The following MBNL2 variants were observed in gnomAD, a reference collection of about 807,000 sequenced individuals.
MBNL2 encodes muscleblind-like protein 2.
Under a neutral mutation model 41.9 loss-of-function variants are expected in MBNL2, and 17 were observed. That is an observed-to-expected ratio of 0.41 (90% CI 0.28 to 0.61). The LOEUF (loss-of-function observed/expected upper bound fraction) is 0.61, where lower values mean the gene tolerates loss of function less well. Ranked by LOEUF, MBNL2 falls within the 20% of genes least tolerant of loss-of-function variation. The pLI, the probability that MBNL2 is intolerant of heterozygous loss-of-function variation, is 0.35. For synonymous variants in MBNL2, 195 were observed against 182.9 expected (o/e 1.07, Z -0.53); for missense variants, 336 against 505.6 (o/e 0.66, Z 3.22).
At chr13:97,383,025 G>A (rs1338089016) in intron 8 of MBNL2, among the ~76,000 whole-genome samples, 1 of 152,142 alleles carries the variant, frequency 6.6e-6, no homozygotes, top group East Asian at 1.9e-4. Flanking sequence ...AGCGGAAAGG[G>A]CCAGGAAAGA....
At chr13:97,165,646 C>T in the MBNL2 span, among the ~76,000 whole-genome samples, 28 of 152,076 alleles carry the variant, frequency 1.8e-4, no homozygotes, top group African/African-American at 5.6e-4. Context: ...GTAGTGAATC[C>T]GCACTAACAG....
rs1232873120 is a variant in MBNL2, at chr13:97,392,475, T to C, written c.*1026T>C. 6.6e-6 allele frequency: 1 copy of C among 152,454 alleles called. No individual in the cohort carries two copies. The highest frequency in any genetic ancestry group is 1.5e-5 in the Non-Finnish European group (1 of 67,984). 9.4% of individuals were successfully genotyped at this position (152,454 alleles called of 1,614,324 possible). A position where few individuals can be genotyped will look rare whatever the true frequency, so the allele number is the denominator to read the frequency against. ...TAAAGGGTTGTAACTGACTACAGCA[T>C]GGAAAAAAATAGTTCTTTTAATTCT... On this transcript the variant is annotated 3_prime_UTR_variant, in exon 9 of 9. Coordinates refer to ENST00000679496, the MANE Select transcript of MBNL2 (RefSeq NM_001382683.1).
chr13:97,187,830 C>T, the MBNL2 span, among the ~76,000 whole-genome samples: 1 of 151,482 alleles, frequency 6.6e-6, no homozygotes, highest in Non-Finnish European at 1.5e-5. Context: ...TGGCGTGAAC[C>T]CCGGGACGGC....
At chr13:97,195,888 A>G in the MBNL2 span, among the ~76,000 whole-genome samples, 1 of 152,190 alleles carries the variant, frequency 6.6e-6, no homozygotes, top group East Asian at 1.9e-4. Context: ...GTGTTGCTGT[A>G]TACATGTACT....
intron 1 of MBNL2, among the ~76,000 whole-genome samples, chr13:97,269,986 T>C (rs1413161775): frequency 1.3e-5 from 2 of 152,238 alleles, no homozygotes; most frequent in Non-Finnish European, 2.9e-5. Flanking sequence ...ATAATCTGTC[T>C]TTCATGGCAG....
At chr13:97,362,302 T>C (rs2063478649) in intron 7 of MBNL2, among the ~76,000 whole-genome samples, 1 of 152,182 alleles carries the variant, frequency 6.6e-6, no homozygotes, top group African/African-American at 2.4e-5. Flanking sequence ...ATTTGGATTT[T>C]CAGACCTGGA....
the MBNL2 span, among the ~76,000 whole-genome samples, chr13:97,160,036 A>G: frequency 2.6e-5 from 4 of 152,052 alleles, no homozygotes; most frequent in Admixed American, 1.3e-4. Flanking sequence ...AGGTACACCA[A>G]TCAGACGTAG....
intron 2 of MBNL2, among the ~76,000 whole-genome samples, chr13:97,321,135 C>T (rs1210453762): frequency 1.3e-5 from 2 of 152,144 alleles, no homozygotes; most frequent in Non-Finnish European, 2.9e-5. Context: ...CTTCCACATG[C>T]AGGGAGACAC....
Position 97,346,774 on chromosome 13 carries a change from C to T in MBNL2, c.541-30C>T, listed in dbSNP as rs776201508. 4 of 1,607,382 alleles carry T rather than the reference C, an allele frequency of 2.5e-6. No individual in the cohort carries two copies. Among genetic ancestry groups the T allele is most frequent in the East Asian group, 2.2e-5 (1 of 44,824 alleles). ...GGGGCGCCTGGGCTCAGGCTTGCCT[C>T]TGCAGCGCGGCTCTTCTTCCCTGTC... On this transcript the variant is annotated intron_variant, in intron 4 of 8. Transcript: ENST00000679496. This position sits in a 1 kb window ranked among gnomAD's most constrained non-coding sequence, Gnocchi z 4.2.
At chr13:97,250,916 T>C (rs191945192) in intron 1 of MBNL2, among the ~76,000 whole-genome samples, 1 of 152,288 alleles carries the variant, frequency 6.6e-6, no homozygotes, top group East Asian at 1.9e-4. Context: ...GAGTTTCTTA[T>C]TGTAAGGGGT....
upstream of MBNL2, among the ~76,000 whole-genome samples, chr13:97,222,043 C>T (rs553935464): frequency 2.7e-4 from 41 of 152,288 alleles, 1 homozygote; most frequent in Admixed American, 1.2e-3. Context: ...CTCCTGGCTT[C>T]GAGCTGGCTG....
intron 2 of MBNL2, among the ~76,000 whole-genome samples, chr13:97,314,301 G>T (rs2058852340): frequency 6.6e-6 from 1 of 152,138 alleles, no homozygotes; most frequent in South Asian, 2.1e-4. Context: ...CTCCCTTTGA[G>T]ATCTTCTTTG....
chr13:97,152,988 C>CA, the MBNL2 span, among the ~76,000 whole-genome samples: 2 of 151,808 alleles, frequency 1.3e-5, no homozygotes, highest in Non-Finnish European at 2.9e-5. Context: ...AGAAATCTCT[C>CA]AAAAAAGAAG....
rs987647660 is a variant in MBNL2, at chr13:97,347,370, G to A, written c.804+303G>A. On this transcript the variant is annotated intron_variant, in intron 5 of 8. Transcript: ENST00000679496. ...GCTCACTTAGGGTCTTTTTAAGAGAGGCTCAGGGGCCTTGTAATGAACATG... is the reference window on the plus strand; with the variant it reads ...GCTCACTTAGGGTCTTTTTAAGAGAAGCTCAGGGGCCTTGTAATGAACATG... Among the ~76,000 whole-genome samples the A allele has an allele frequency of 2.6e-5, 4 of 152,168 alleles. 1 individual carries two copies. Among genetic ancestry groups the A allele is most frequent in the South Asian group, 4.1e-4 (2 of 4,832 alleles).
chr13:97,206,026 T>C, the MBNL2 span, among the ~76,000 whole-genome samples: 1 of 152,204 alleles, frequency 6.6e-6, no homozygotes, highest in African/African-American at 2.4e-5. Context: ...AAAAATGAGT[T>C]ATTTTTGAGA....
chr13:97,362,690 G>T (rs2063510380), intron 7 of MBNL2, among the ~76,000 whole-genome samples: 1 of 152,086 alleles, frequency 6.6e-6, no homozygotes, highest in Non-Finnish European at 1.5e-5. Context: ...GAGTGGCCAG[G>T]CCTGCATTTG....
intron 2 of MBNL2, among the ~76,000 whole-genome samples, chr13:97,331,853 A>G (rs748130095): frequency 1.3e-5 from 2 of 152,222 alleles, no homozygotes; most frequent in African/African-American, 2.4e-5. Flanking sequence ...TACTAATTCA[A>G]TGTTGTAAAA....
Position 97,365,121 on chromosome 13 carries a change from A to G in MBNL2, c.1013-15A>G, listed in dbSNP as rs2063748783. On this transcript the variant is annotated splice_polypyrimidine_tract_variant and intron_variant, in intron 7 of 8. Transcript: ENST00000679496. ...CCTTTATTCACTTTTTCCACCCACC[A>G]TTGCATGACATCAGGGTCAGTTTTG... is the stretch of plus-strand genomic sequence containing the variant. 2 of 1,582,082 alleles carry G rather than the reference A, an allele frequency of 1.3e-6. No homozygotes were observed. Among genetic ancestry groups the G allele is most frequent in the Non-Finnish European group, 1.7e-6 (2 of 1,150,726 alleles).
intron 2 of MBNL2, among the ~76,000 whole-genome samples, chr13:97,309,451 T>C (rs1333017681): frequency 6.6e-6 from 1 of 152,132 alleles, no homozygotes; most frequent in African/African-American, 2.4e-5. Flanking sequence ...GACACGGAGA[T>C]AAGCATAGAT....
Sources: allele counts gnomAD v4.1 joint callset (sites outside exome capture counted in the v4.1 genomes callset), GRCh38; gene constraint gnomAD v4.1.1; non-coding constraint Gnocchi (gnomAD v3.1); transcripts MANE v1.5; gene names NCBI Gene and HGNC (gene_info 2026-07-23, HGNC 2026-07-21).